NTRK3: variants seen among roughly 807,000 people sequenced by gnomAD.
NTRK3 encodes the protein NT-3 growth factor receptor.
A neutral mutation model predicts 91.7 loss-of-function variants in NTRK3; 24 were observed. The observed-to-expected ratio is 0.26, with a 90% CI of 0.19 to 0.37. The LOEUF (loss-of-function observed/expected upper bound fraction) is 0.37. NTRK3 is among the 10% of genes least tolerant of loss of function. The probability of loss-of-function intolerance (pLI) is 1.00; values close to 1 mark genes in which losing one functional copy is unlikely to be tolerated. For missense variants in NTRK3, 880 were observed against 1,068.9 expected, an observed-to-expected ratio of 0.82 and a Z score of 2.46; for synonymous variants, 483 against 404.0, an observed-to-expected ratio of 1.20 and a Z score of -2.34.
chr15:88,121,850 A>T (rs1597432968), intron 13 of NTRK3, among the ~76,000 whole-genome samples: 1 of 152,168 alleles, frequency 6.6e-6, no homozygotes, highest in East Asian at 1.9e-4. Context: ...AGAAACCCCC[A>T]CTGTACACTT....
exon 16 of NTRK3, chr15:87,933,109 C>T (rs2068949791): frequency 2.5e-6 from 4 of 1,614,138 alleles, no homozygotes; most frequent in East Asian, 2.2e-5. Context: ...ACAATGTGCT[C>T]ATGCTGCAGG....
intron 14 of NTRK3, among the ~76,000 whole-genome samples, chr15:87,973,661 A>G (rs982185171): frequency 2.0e-5 from 3 of 151,996 alleles, no homozygotes; most frequent in Non-Finnish European, 2.9e-5. Flanking sequence ...TGGGTGGGGG[A>G]GAGCTGGGAG....
At chr15:88,096,441 G>A (rs4887356) in intron 13 of NTRK3, among the ~76,000 whole-genome samples, 95,635 of 151,976 alleles carry the variant, frequency 0.63, 31,955 homozygotes, top group African/African-American at 0.87. Flanking sequence ...CATGACACAG[G>A]CCCAGAGGCA....
chr15:88,075,269 C>A (rs550074833), intron 13 of NTRK3, among the ~76,000 whole-genome samples: 2 of 152,322 alleles, frequency 1.3e-5, no homozygotes, highest in South Asian at 4.1e-4. Context: ...TCCACAGGGT[C>A]AACAACTCTA....
chr15:87,946,698 C>T lies in NTRK3; in HGVS notation c.1586-5945G>A, dbSNP rs377284434. Among the ~76,000 whole-genome samples the T allele has an allele frequency of 4.6e-5, 7 of 152,256 alleles. No individual in the cohort carries two copies. In the East Asian group the frequency reaches 9.7e-4, roughly 21 times the overall value. On this transcript the variant is annotated intron_variant, in intron 14 of 18. Coordinates refer to ENST00000394480, the Ensembl canonical transcript of NTRK3. ...CTAGTTCCTGTCCTCATCACTGAGA[C>T]CTCACAGATCTTTCCCTTGTGGATT...
chr15:88,139,012 T>C (rs992252557), intron 6 of NTRK3, among the ~76,000 whole-genome samples: 1 of 152,216 alleles, frequency 6.6e-6, no homozygotes, highest in African/African-American at 2.4e-5. Flanking sequence ...ACCAGCTTTA[T>C]TCTTTCATAA....
chr15:87,883,843 G>C (rs1227382523), intron 17 of NTRK3, among the ~76,000 whole-genome samples: 3 of 150,926 alleles, frequency 2.0e-5, no homozygotes, highest in Admixed American at 6.6e-5. Flanking sequence ...AAATGTAAAA[G>C]TATTTATTGT....
chr15:88,167,029 C>T (rs1457575422), intron 5 of NTRK3, among the ~76,000 whole-genome samples: 1 of 152,158 alleles, frequency 6.6e-6, no homozygotes, highest in African/African-American at 2.4e-5. Context: ...GACCCATGTC[C>T]TTCCTGAATC....
In NTRK3 at chr15:87,958,915, C is replaced by T. The variant is rs200956156; in HGVS notation, c.1586-18162G>A. Reference sequence around the variant, plus strand: ...TTCAAACCCAAGTTAAGAGTAACAGCCCAATGCACTCTATCATTGCTTACG... The same window carrying T: ...TTCAAACCCAAGTTAAGAGTAACAGTCCAATGCACTCTATCATTGCTTACG... On this transcript the variant is annotated intron_variant, in intron 14 of 18. Coordinates refer to ENST00000394480, the Ensembl canonical transcript of NTRK3. Among the ~76,000 whole-genome samples, 9 of 152,258 alleles carry T rather than the reference C, an allele frequency of 5.9e-5. No homozygotes were observed. The East Asian group carries it at 1.7e-3, about 29-fold the overall frequency.
At chr15:88,039,147 A>G (rs1449646887) in intron 13 of NTRK3, among the ~76,000 whole-genome samples, 1 of 151,592 alleles carries the variant, frequency 6.6e-6, no homozygotes, top group Non-Finnish European at 1.5e-5. Context: ...ACACACACAC[A>G]CACACACACA....
chr15:88,099,251 C>T (rs1429050100), intron 13 of NTRK3: 2 of 226,400 alleles, frequency 8.8e-6, no homozygotes, highest in African/African-American at 2.2e-5. Flanking sequence ...CAGGGAAAGC[C>T]GTCAAAATGT....
At chr15:88,157,044 G>A (rs2043971009) in intron 5 of NTRK3, among the ~76,000 whole-genome samples, 1 of 152,004 alleles carries the variant, frequency 6.6e-6, no homozygotes, top group Non-Finnish European at 1.5e-5. Flanking sequence ...CCTGTACCCT[G>A]CAGGGTGCGG....
intron 18 of NTRK3, 63 bp from the exon 20 acceptor site, chr15:87,877,183 ACT>A (rs1295070842): frequency 2.6e-5 from 41 of 1,568,008 alleles, no homozygotes; most frequent in Non-Finnish European, 3.5e-5. Context: ...TGTGGCTCAG[ACT>A]CGGCAAAAAG....
At chr15:88,167,370 C>T (rs924352500) in intron 5 of NTRK3, among the ~76,000 whole-genome samples, 3 of 152,090 alleles carry the variant, frequency 2.0e-5, no homozygotes, top group African/African-American at 4.8e-5. Context: ...CAGGTGTTGG[C>T]AGCAGCATAG....
chr15:88,179,984 G>A (rs922020961), intron 5 of NTRK3, among the ~76,000 whole-genome samples: 34 of 152,052 alleles, frequency 2.2e-4, no homozygotes, highest in African/African-American at 7.5e-4. Context: ...ACAAAGAAGT[G>A]GTCAGAATAC....
rs573316368 is a variant in NTRK3 at position 88,182,814 on chromosome 15, C to T, written c.395+604G>A. 1.1e-4 allele frequency among the ~76,000 whole-genome samples: 17 copies of T among 152,292 alleles called. No homozygotes were observed. In the South Asian group the frequency reaches 3.1e-3, roughly 28 times the overall value. ...GCATCAACTCTTGTGATTCTATCCC[C>T]ACTAGGGAAAGGGGAGAGACAGGAT... is the stretch of plus-strand genomic sequence containing the variant. On this transcript the variant is annotated intron_variant, in intron 5 of 18. Coordinates refer to ENST00000394480, the Ensembl canonical transcript of NTRK3.
intron 17 of NTRK3, among the ~76,000 whole-genome samples, chr15:87,911,097 G>A (rs975363075): frequency 2.0e-5 from 3 of 152,118 alleles, no homozygotes; most frequent in Non-Finnish European, 4.4e-5. Flanking sequence ...AGGGAGAAAT[G>A]CCTCAAGAAA....
At chr15:87,998,348 A>C (rs2075853779) in intron 14 of NTRK3, among the ~76,000 whole-genome samples, 1 of 152,214 alleles carries the variant, frequency 6.6e-6, no homozygotes, top group Admixed American at 6.5e-5. Context: ...AAGCCCATAG[A>C]CCATTAACAA....
intron 14 of NTRK3, among the ~76,000 whole-genome samples, chr15:88,017,187 C>CTAATGAT (rs1305261701): frequency 1.3e-5 from 2 of 152,216 alleles, no homozygotes; most frequent in Middle Eastern, 6.8e-3. Flanking sequence ...TTATTATTTT[C>CTAATGAT]TAATGATTGC....
Sources: allele counts gnomAD v4.1 joint callset (sites outside exome capture counted in the v4.1 genomes callset), GRCh38; gene constraint gnomAD v4.1.1; transcripts MANE v1.5; gene names NCBI Gene and HGNC (gene_info 2026-07-23, HGNC 2026-07-21).